TBC1D1: variants seen among roughly 807,000 people sequenced by gnomAD.
TBC1D1 encodes TBC1 (tre-2/USP6, BUB2, cdc16) domain family, member 1.
In TBC1D1, 89 loss-of-function variants were observed where a neutral mutation model predicts 125.6. The ratio of observed to expected loss-of-function variants is 0.71; its 90% confidence interval spans 0.60 to 0.85. TBC1D1 has a LOEUF of 0.85. Among genes scored for constraint, TBC1D1 ranks in the 40% least tolerant of loss-of-function variants. The pLI is 0.00. For synonymous variants in TBC1D1, 565 were observed against 564.1 expected (o/e 1.00, Z -0.02); for missense variants, 1,377 against 1,469.2 (o/e 0.94, Z 1.03).
At position 37,985,324 on chromosome 4, in the gene TBC1D1, A is replaced by T. The variant is rs182753654; in HGVS notation, c.418-29185A>T. Among the ~76,000 whole-genome samples, 13 of 152,208 alleles carry T rather than the reference A, an allele frequency of 8.5e-5. No individual in the cohort carries two copies. The East Asian group carries it at 2.5e-3, about 29-fold the overall frequency. ...CATTTTAAAATTTCTATGATTTCTG[A>T]TTTTGTTGTTGGAAGAGTGGTGAAC... On this transcript the variant is annotated intron_variant, in intron 2 of 19. Transcript: ENST00000261439.
intron 15 of TBC1D1, among the ~76,000 whole-genome samples, chr4:38,105,234 C>T (rs1761101234): frequency 6.6e-6 from 1 of 152,176 alleles, no homozygotes; most frequent in South Asian, 2.1e-4. Flanking sequence ...ATTATCATCA[C>T]TGCTGCTGCC....
chr4:38,096,578 A>C (rs1759381978), intron 14 of TBC1D1, among the ~76,000 whole-genome samples: 1 of 152,194 alleles, frequency 6.6e-6, no homozygotes, highest in Admixed American at 6.5e-5. Flanking sequence ...GGGTGCTGAC[A>C]GTGGATGTTG....
intron 2 of TBC1D1, among the ~76,000 whole-genome samples, chr4:37,910,288 C>T (rs1029867789): frequency 9.2e-5 from 14 of 152,078 alleles, no homozygotes; most frequent in African/African-American, 3.1e-4. Flanking sequence ...TCTTTACTGT[C>T]CCGTACAGTA....
At chr4:37,963,015 T>C (rs1730351073) in intron 2 of TBC1D1, among the ~76,000 whole-genome samples, 1 of 152,148 alleles carries the variant, frequency 6.6e-6, no homozygotes, top group East Asian at 1.9e-4. Flanking sequence ...TTTTCAGATG[T>C]CTCTTTGCAT....
intron 2 of TBC1D1, among the ~76,000 whole-genome samples, chr4:37,943,684 A>G (rs1726053804): frequency 6.6e-6 from 1 of 152,214 alleles, no homozygotes; most frequent in Non-Finnish European, 1.5e-5. Flanking sequence ...TTTCAGCTCC[A>G]TCAGGTCCTT....
At chr4:38,050,241 C>T (rs538480042) in intron 11 of TBC1D1, among the ~76,000 whole-genome samples, 5 of 152,246 alleles carry the variant, frequency 3.3e-5, no homozygotes, top group African/African-American at 1.2e-4. Context: ...AGCCCTGGAG[C>T]AGGGTTATAA....
intron 2 of TBC1D1, among the ~76,000 whole-genome samples, chr4:37,975,785 G>A (rs1011849028): frequency 6.6e-6 from 1 of 151,696 alleles, no homozygotes; most frequent in Non-Finnish European, 1.5e-5. Flanking sequence ...TTATAATATT[G>A]GAATAAAGAA....
chr4:38,119,715 A>C (rs1286166489), intron 17 of TBC1D1, among the ~76,000 whole-genome samples: 1 of 152,230 alleles, frequency 6.6e-6, no homozygotes, highest in South Asian at 2.1e-4. Context: ...CATTTTAGCT[A>C]TGATTTTCAT....
intron 1 of TBC1D1, among the ~76,000 whole-genome samples, chr4:37,901,574 T>G (rs565382825): frequency 8.0e-6 from 1 of 125,538 alleles, no homozygotes; most frequent in East Asian, 2.3e-4. Flanking sequence ...ACTGAAGACA[T>G]GTTAATGGAA....
intron 2 of TBC1D1, among the ~76,000 whole-genome samples, chr4:37,951,047 G>T (rs1727757855): frequency 6.6e-6 from 1 of 152,182 alleles, no homozygotes. Context: ...TTACAGGTGT[G>T]AGCCACTGCG....
At chr4:37,956,208 G>A (rs1256625983) in intron 2 of TBC1D1, among the ~76,000 whole-genome samples, 2 of 151,806 alleles carry the variant, frequency 1.3e-5, no homozygotes, top group African/African-American at 4.8e-5. Flanking sequence ...ATGGGAGCGG[G>A]GGTTCTCCCT....
intron 2 of TBC1D1, among the ~76,000 whole-genome samples, chr4:37,915,032 A>C (rs928890589): frequency 6.6e-6 from 1 of 152,234 alleles, no homozygotes; most frequent in Non-Finnish European, 1.5e-5. Context: ...ATATGCTTCC[A>C]TGTTAACCAC....
At chr4:37,996,657 G>C (rs556802926) in intron 2 of TBC1D1, among the ~76,000 whole-genome samples, 14 of 152,238 alleles carry the variant, frequency 9.2e-5, no homozygotes, top group Non-Finnish European at 2.1e-4. Flanking sequence ...ATAATTGATA[G>C]TTATAACACA....
chr4:37,901,409 G>A (rs981651279), intron 1 of TBC1D1, among the ~76,000 whole-genome samples: 8 of 152,054 alleles, frequency 5.3e-5, no homozygotes, highest in Non-Finnish European at 7.4e-5. Flanking sequence ...CACCTATCTT[G>A]GCCTCTCAAA....
chr4:38,036,745 A>G (rs1747295006), intron 8 of TBC1D1, among the ~76,000 whole-genome samples: 1 of 152,212 alleles, frequency 6.6e-6, no homozygotes, highest in Non-Finnish European at 1.5e-5. Flanking sequence ...CACGGTTTCT[A>G]ATCTCATTGG....
chr4:38,063,641 T>A (rs1023642569), intron 12 of TBC1D1, among the ~76,000 whole-genome samples: 5 of 143,960 alleles, frequency 3.5e-5, no homozygotes, highest in East Asian at 1.9e-4. Context: ...TTATTTTTTA[T>A]TTTTTGAGAC....
At chr4:38,118,303 A>AC in intron 17 of TBC1D1, 111 bp downstream of exon 19, 1 of 1,310,834 alleles carries the variant, frequency 7.6e-7, no homozygotes, top group Non-Finnish European at 1.1e-6. Flanking sequence ...TCTTACCAGA[A>AC]CAGGGTATTG....
chr4:37,983,484 C>G (rs200853721), intron 2 of TBC1D1, among the ~76,000 whole-genome samples: 1 of 152,124 alleles, frequency 6.6e-6, no homozygotes, highest in Non-Finnish European at 1.5e-5. Context: ...ACACTGTGCC[C>G]AGCTTTTTCT....
At chr4:37,978,509 T>C (rs560614805) in intron 2 of TBC1D1, among the ~76,000 whole-genome samples, 15 of 152,256 alleles carry the variant, frequency 9.9e-5, no homozygotes, top group Non-Finnish European at 2.2e-4. Flanking sequence ...GCAATGCTTT[T>C]ATAGTCTTAT....
Sources: allele counts gnomAD v4.1 joint callset (sites outside exome capture counted in the v4.1 genomes callset), GRCh38; gene constraint gnomAD v4.1.1; transcripts MANE v1.5; gene names NCBI Gene and HGNC (gene_info 2026-07-23, HGNC 2026-07-21).